The following SRGAP1 variants were observed in gnomAD, a reference collection of about 807,000 sequenced individuals.
SRGAP1 encodes SLIT-ROBO Rho GTPase-activating protein 1.
SRGAP1 carries 43 observed loss-of-function variants against 121.9 expected under a neutral mutation model. The ratio of observed to expected loss-of-function variants is 0.35; its 90% confidence interval spans 0.28 to 0.46. SRGAP1 has a LOEUF of 0.46. Among genes scored for constraint, SRGAP1 ranks in the 20% least tolerant of loss-of-function variants. SRGAP1 has a pLI of 1.00. For synonymous variants in SRGAP1, 447 were observed against 485.4 expected (o/e 0.92, Z 1.04); for missense variants, 1,102 against 1,350.9 (o/e 0.82, Z 2.89).
chr12:63,923,554 A>T (rs1256674145), intron 1 of SRGAP1, among the ~76,000 whole-genome samples: 1 of 152,204 alleles, frequency 6.6e-6, no homozygotes. Context: ...TAGATTACTT[A>T]TTCTGTCTCT....
At chr12:63,889,130 T>C (rs570386459) in intron 1 of SRGAP1, among the ~76,000 whole-genome samples, 1 of 152,166 alleles carries the variant, frequency 6.6e-6, no homozygotes, top group Non-Finnish European at 1.5e-5. Flanking sequence ...AAAGCACACA[T>C]GGGGACAATA....
rs1057507266 is a variant in SRGAP1, at chr12:64,157,072, C to A, written c.*14400C>A. On this transcript the variant is annotated 3_prime_UTR_variant, in exon 22 of 22. Coordinates refer to ENST00000355086, the MANE Select transcript of SRGAP1 (RefSeq NM_020762.4). ...AAAGGGTGTTACATGGAAAGATCAG[C>A]GATAGTACACACGCCTTCCCATAGA... 1.3e-5 allele frequency: 2 copies of A among 152,066 alleles called. No homozygotes were observed. Among genetic ancestry groups the A allele is most frequent in the African/African-American group, 4.8e-5 (2 of 41,394 alleles). 9.4% of individuals were successfully genotyped at this position (152,066 alleles called of 1,614,324 possible). A position where few individuals can be genotyped will look rare whatever the true frequency, so the allele number is the denominator to read the frequency against.
chr12:64,041,550 A>G (rs1336648914), intron 4 of SRGAP1, among the ~76,000 whole-genome samples: 1 of 151,700 alleles, frequency 6.6e-6, no homozygotes, highest in Non-Finnish European at 1.5e-5. Context: ...AGGCCCAGCT[A>G]ATTTTTTTAT....
chr12:63,907,058 C>T (rs531611964), intron 1 of SRGAP1, among the ~76,000 whole-genome samples: 2 of 152,098 alleles, frequency 1.3e-5, no homozygotes, highest in Non-Finnish European at 2.9e-5. Context: ...TTCTCCACAT[C>T]CTCACCACTA....
At chr12:64,035,308 A>T (rs1242973547) in intron 4 of SRGAP1, among the ~76,000 whole-genome samples, 5 of 144,836 alleles carry the variant, frequency 3.5e-5, no homozygotes, top group Non-Finnish European at 7.7e-5. Context: ...ATTCTCACTC[A>T]GCCTACCCTG....
intron 6 of SRGAP1, among the ~76,000 whole-genome samples, chr12:64,056,179 C>T (rs1015403723): frequency 2.0e-5 from 3 of 152,054 alleles, no homozygotes; most frequent in African/African-American, 7.2e-5. Context: ...TCTTTACCTC[C>T]TAAATGTCCC....
At chr12:63,939,241 T>C (rs528822120) in intron 1 of SRGAP1, among the ~76,000 whole-genome samples, 1 of 151,868 alleles carries the variant, frequency 6.6e-6, no homozygotes, top group Non-Finnish European at 1.5e-5. Flanking sequence ...AGAAGATAAG[T>C]ATAAGAGCAC....
intron 1 of SRGAP1, chr12:63,887,311 GGAAGCCACCTCAT>G (rs1222362603): frequency 2.6e-5 from 4 of 152,348 alleles, no homozygotes; most frequent in Non-Finnish European, 4.4e-5. Context: ...CCCCTTGATG[GGAAGCCACCTCAT>G]GGCAGGGGAG....
chr12:64,068,662 T>C (rs1245993513), intron 8 of SRGAP1, among the ~76,000 whole-genome samples: 1 of 151,964 alleles, frequency 6.6e-6, no homozygotes, highest in Non-Finnish European at 1.5e-5. Flanking sequence ...TCTACAGTGC[T>C]TGGGTTTTGA....
chr12:64,114,331 CTTTTTT>C (rs957049187), intron 17 of SRGAP1, among the ~76,000 whole-genome samples: 17 of 89,248 alleles, frequency 1.9e-4, no homozygotes, highest in Admixed American at 5.7e-4. Flanking sequence ...ATATGGTTAG[CTTTTTT>C]TTTTTTTTTT....
chr12:63,949,389 TTTA>T (rs1034817680), intron 1 of SRGAP1, among the ~76,000 whole-genome samples: 3 of 124,000 alleles, frequency 2.4e-5, no homozygotes, highest in African/African-American at 3.0e-5. Flanking sequence ...ATCAGACATT[TTTA>T]TTATTTATTA....
At chr12:63,845,347 T>C (rs1206565876) in intron 1 of SRGAP1, among the ~76,000 whole-genome samples, 2 of 152,146 alleles carry the variant, frequency 1.3e-5, no homozygotes, top group Non-Finnish European at 2.9e-5. Flanking sequence ...ATTTCAGATA[T>C]TTACACCACT....
intron 1 of SRGAP1, among the ~76,000 whole-genome samples, chr12:63,961,753 C>T (rs956983957): frequency 2.4e-4 from 36 of 152,150 alleles, no homozygotes; most frequent in Non-Finnish European, 4.7e-4. Flanking sequence ...ATTCATGGAG[C>T]TTACATTCCA....
At chr12:64,036,022 G>A (rs2136494813) in intron 4 of SRGAP1, among the ~76,000 whole-genome samples, 1 of 152,314 alleles carries the variant, frequency 6.6e-6, no homozygotes, top group South Asian at 2.1e-4. Context: ...CTTAAGAATT[G>A]ATGGCACTGG....
chr12:64,043,506 C>T lies in SRGAP1; in HGVS notation c.732C>T (p.Leu244=). The T allele has an allele frequency of 6.2e-7, 1 of 1,612,472 alleles. No individual in the cohort carries two copies. The highest frequency in any genetic ancestry group is 1.1e-5 in the South Asian group (1 of 90,928). Residue 244 remains leucine, a synonymous_variant, in exon 6 of 22, where the codon CTC becomes CTT. Coordinates refer to ENST00000355086, the MANE Select transcript of SRGAP1 (RefSeq NM_020762.4). ...CAATTAAGGCACGGAACGAATATCTCCTAACACTTGAAGCCACCAATGCCT... is the reference window on the plus strand; with the variant it reads ...CAATTAAGGCACGGAACGAATATCTTCTAACACTTGAAGCCACCAATGCCT... ...LKSIKARNEY[L]LTLEATNASV...
At chr12:64,092,126 A>C (rs1287446747) in intron 12 of SRGAP1, among the ~76,000 whole-genome samples, 3 of 152,236 alleles carry the variant, frequency 2.0e-5, no homozygotes, top group Admixed American at 1.3e-4. Context: ...ACATTAAACT[A>C]TTAGTTTTTA....
intron 1 of SRGAP1, among the ~76,000 whole-genome samples, chr12:63,944,432 C>T (rs2031975300): frequency 6.6e-6 from 1 of 152,144 alleles, no homozygotes; most frequent in Non-Finnish European, 1.5e-5. Flanking sequence ...TGAGGGAGCT[C>T]CCTGGGGCAC....
intron 1 of SRGAP1, among the ~76,000 whole-genome samples, chr12:63,912,150 T>C (rs980730324): frequency 6.6e-6 from 1 of 152,216 alleles, no homozygotes; most frequent in African/African-American, 2.4e-5. Flanking sequence ...GGGACACTTA[T>C]TGATCATCTA....
At chr12:64,096,071 A>G (rs532718147) in intron 14 of SRGAP1, among the ~76,000 whole-genome samples, 2 of 152,338 alleles carry the variant, frequency 1.3e-5, no homozygotes, top group Non-Finnish European at 2.9e-5. Flanking sequence ...GAGCAGCCAC[A>G]TGTGCCAAGT....
Sources: gnomAD v4.1 joint callset for allele counts (sites outside exome capture counted in the v4.1 genomes callset) on GRCh38, gnomAD v4.1.1 for gene constraint, MANE v1.5 for transcripts, NCBI Gene and HGNC (gene_info 2026-07-23, HGNC 2026-07-21) for gene names.